Variants in BACH2 observed in about 807,000 individuals in gnomAD.
The protein encoded by BACH2 is BACH transcriptional regulator 2, also known as transcription regulator protein BACH2.
A neutral mutation model predicts 61.8 loss-of-function variants in BACH2; 5 were observed. The ratio of observed to expected loss-of-function variants is 0.08; its 90% CI spans 0.04 to 0.17. The LOEUF (loss-of-function observed/expected upper bound fraction) is 0.17, where lower values mean the gene tolerates loss of function less well. Ranked by LOEUF, BACH2 falls within the 10% of genes least tolerant of loss-of-function variation. BACH2 has a pLI of 1.00. For missense variants in BACH2, 824 were observed against 1,091.1 expected (o/e 0.76, Z 3.45); for synonymous variants, 446 against 440.1 (o/e 1.01, Z -0.17).
intron 5 of BACH2, among the ~76,000 whole-genome samples, chr6:90,024,977 T>C (rs1427527484): frequency 6.6e-6 from 1 of 152,194 alleles, no homozygotes; most frequent in Non-Finnish European, 1.5e-5. Flanking sequence ...AAGCGGGGTG[T>C]CCATCCTCTC....
chr6:90,043,356 T>C (rs1779629589), intron 5 of BACH2, among the ~76,000 whole-genome samples: 1 of 151,920 alleles, frequency 6.6e-6, no homozygotes, highest in African/African-American at 2.4e-5. Context: ...ATAACAGGAG[T>C]GGGTCTTTAT....
chr6:90,017,972 T>C (rs372871437), intron 5 of BACH2, among the ~76,000 whole-genome samples: 6 of 152,234 alleles, frequency 3.9e-5, no homozygotes, highest in African/African-American at 1.4e-4. Context: ...GGAAGCAGTT[T>C]GATCCTTTCA....
intron 6 of BACH2, among the ~76,000 whole-genome samples, chr6:89,976,771 G>A (rs562941716): frequency 6.6e-6 from 1 of 152,222 alleles, no homozygotes; most frequent in South Asian, 2.1e-4. Context: ...AAAAACTCAT[G>A]GTACTAGCCC....
intron 6 of BACH2, among the ~76,000 whole-genome samples, chr6:89,985,974 GTGTGGGCTGC>G (rs911070788): frequency 2.0e-5 from 3 of 152,236 alleles, no homozygotes; most frequent in Non-Finnish European, 2.9e-5. Context: ...AGGGATGCGG[GTGTGGGCTGC>G]TGCCCACGTG....
At chr6:90,265,369 T>A (rs1034278794) in intron 2 of BACH2, among the ~76,000 whole-genome samples, 3 of 152,240 alleles carry the variant, frequency 2.0e-5, no homozygotes, top group Non-Finnish European at 4.4e-5. Context: ...AGAAGTCTCT[T>A]GTCAGCTTCC....
chr6:90,254,478 C>G (rs1448391174), intron 2 of BACH2, among the ~76,000 whole-genome samples: 1 of 151,970 alleles, frequency 6.6e-6, no homozygotes, highest in Non-Finnish European at 1.5e-5. Flanking sequence ...TAATGCCCCT[C>G]AAAGGTAGTA....
At chr6:90,253,589 A>G (rs1360429900) in intron 2 of BACH2, among the ~76,000 whole-genome samples, 6 of 152,228 alleles carry the variant, frequency 3.9e-5, no homozygotes. Flanking sequence ...GAAATTAAAT[A>G]CTAAGAACTG....
At chr6:90,150,414 C>T (rs954253974) in intron 4 of BACH2, among the ~76,000 whole-genome samples, 1 of 152,186 alleles carries the variant, frequency 6.6e-6, no homozygotes, top group Admixed American at 6.5e-5. Context: ...AAGTTGCTTG[C>T]AATATAGTCT....
intron 2 of BACH2, among the ~76,000 whole-genome samples, chr6:90,258,689 TC>T (rs1771061991): frequency 6.6e-6 from 1 of 152,236 alleles, no homozygotes; most frequent in African/African-American, 2.4e-5. Flanking sequence ...ATTCTTCTGA[TC>T]CATGAGCATG....
intron 3 of BACH2, among the ~76,000 whole-genome samples, chr6:90,227,416 C>T (rs777836611): frequency 1.3e-5 from 2 of 152,166 alleles, no homozygotes; most frequent in Non-Finnish European, 2.9e-5. Flanking sequence ...GCTAAAACGT[C>T]ATGGGAAAAA....
intron 4 of BACH2, among the ~76,000 whole-genome samples, chr6:90,122,414 C>CA (rs113781599): frequency 3.3e-5 from 5 of 151,542 alleles, no homozygotes; most frequent in Admixed American, 6.6e-5. Context: ...CAAGAACAAT[C>CA]AAAAAAAAGG....
chr6:89,967,460 G>A (rs1196055203), intron 6 of BACH2, among the ~76,000 whole-genome samples: 1 of 152,142 alleles, frequency 6.6e-6, no homozygotes, highest in East Asian at 1.9e-4. Context: ...TAGTCACCGA[G>A]GTTGCAAATC....
intron 6 of BACH2, among the ~76,000 whole-genome samples, chr6:89,987,839 T>G (rs1776327835): frequency 1.3e-5 from 2 of 152,164 alleles, no homozygotes; most frequent in African/African-American, 4.8e-5. Context: ...GCTTCTCCCC[T>G]TATAGCACAA....
chr6:90,225,752 G>A (rs1228606778), intron 3 of BACH2, among the ~76,000 whole-genome samples: 2 of 152,190 alleles, frequency 1.3e-5, no homozygotes, highest in African/African-American at 2.4e-5. Context: ...TCCTGCACGT[G>A]TATCCTGGAA....
At chr6:89,963,249 C>T (rs72923929) in intron 6 of BACH2, among the ~76,000 whole-genome samples, 13,822 of 152,154 alleles carry the variant, frequency 0.091, 737 homozygotes, top group South Asian at 0.14. Flanking sequence ...TCAGCGAGGC[C>T]GTGGAGAAAT....
At chr6:89,952,083 A>T in intron 6 of BACH2, 1 of 587,250 alleles carries the variant, frequency 1.7e-6, no homozygotes, top group Non-Finnish European at 3.0e-6. Flanking sequence ...CACAGGCAGA[A>T]TTGAAAATCA....
At chr6:90,130,288 T>C (rs944429732) in intron 4 of BACH2, among the ~76,000 whole-genome samples, 2 of 152,186 alleles carry the variant, frequency 1.3e-5, no homozygotes, top group African/African-American at 4.8e-5. Context: ...TTGATCAGTA[T>C]AGGCCCATGC....
intron 6 of BACH2, among the ~76,000 whole-genome samples, chr6:89,954,657 C>T (rs1390103725): frequency 6.6e-6 from 1 of 151,664 alleles, no homozygotes; most frequent in African/African-American, 2.4e-5. Flanking sequence ...GGGAGTCACC[C>T]TCTGCCACAT....
intron 6 of BACH2, among the ~76,000 whole-genome samples, chr6:89,981,219 C>T (rs1775934564): frequency 6.6e-6 from 1 of 151,842 alleles, no homozygotes. Flanking sequence ...GCAAGCTCCG[C>T]TTCCTGGGTT....
Sources: allele counts gnomAD v4.1 joint callset (sites outside exome capture counted in the v4.1 genomes callset), GRCh38; gene constraint gnomAD v4.1.1; transcripts MANE v1.5; gene names NCBI Gene and HGNC (gene_info 2026-07-23, HGNC 2026-07-21).